Variants in SIRPB2 observed in about 807,000 individuals in gnomAD.
The protein encoded by SIRPB2 is signal regulatory protein beta 2, also known as signal-regulatory protein beta-2.
Under a neutral mutation model 27.1 loss-of-function variants are expected in SIRPB2, and 18 were observed. That is an observed-to-expected ratio of 0.66 (90% CI 0.46 to 0.98). The LOEUF (loss-of-function observed/expected upper bound fraction) is 0.98, where lower values mean the gene tolerates loss of function less well. Ranked by LOEUF, SIRPB2 falls within the 50% of genes least tolerant of loss-of-function variation. The pLI is 0.00. For synonymous variants in SIRPB2, 150 were observed against 164.6 expected, an observed-to-expected ratio of 0.91 and a Z score of 0.68; for missense variants, 420 against 417.4, an observed-to-expected ratio of 1.01 and a Z score of -0.06.
At chr20:1,486,032 T>C (rs1211980116) in intron 1 of SIRPB2, among the ~76,000 whole-genome samples, 1 of 151,794 alleles carries the variant, frequency 6.6e-6, no homozygotes, top group Admixed American at 6.6e-5. Flanking sequence ...TCCAAGAAAG[T>C]TTCATTTGTG....
downstream of SIRPB2, among the ~76,000 whole-genome samples, chr20:1,474,387 T>C (rs572772630): frequency 3.9e-5 from 6 of 152,338 alleles, no homozygotes; most frequent in African/African-American, 1.4e-4. Context: ...AAATTACTGT[T>C]GTCGCTGGCT....
intron 4 of SIRPB2, 147 bp from the exon 5 acceptor site, chr20:1,476,483 G>T: frequency 1.1e-6 from 1 of 945,342 alleles, no homozygotes; most frequent in Non-Finnish European, 1.5e-6. Context: ...GGAGATCAAA[G>T]ACCACCCTTC....
At chr20:1,485,644 A>G (rs2090718037) in intron 1 of SIRPB2, among the ~76,000 whole-genome samples, 1 of 140,708 alleles carries the variant, frequency 7.1e-6, no homozygotes, top group Admixed American at 7.0e-5. Context: ...ACACACACAC[A>G]CACACACACC....
At chr20:1,490,861 C>T (rs1274559651) in intron 1 of SIRPB2, among the ~76,000 whole-genome samples, 2 of 152,150 alleles carry the variant, frequency 1.3e-5, no homozygotes, top group African/African-American at 2.4e-5. Context: ...AACAAAAGAC[C>T]GCAGTTTTCA....
At position 1,476,195 on chromosome 20, in the gene SIRPB2, G is replaced by A; in HGVS notation, c.1001C>T (p.Thr334Ile). ...CTCTTGACCCTTGCTCCATGCTAAG[G>A]TGTTCATGGCTCCTGCTGGGCCTGT... ...KTTGPAGAMN[T>I]LAWSKGQE Residue 334 changes from threonine to isoleucine, a missense_variant, in exon 5 of 5, where the codon ACC becomes ATC. Physicochemically the swap from Thr to Ile is moderately conservative, Grantham distance 89 (BLOSUM62 -1). Coordinates refer to ENST00000359801, the MANE Select transcript of SIRPB2 (RefSeq NM_001122962.2). 6.2e-7 allele frequency: 1 copy of A among 1,614,058 alleles called. No homozygotes were observed. The highest frequency in any genetic ancestry group is 8.5e-7 in the Non-Finnish European group (1 of 1,179,992).
intron 4 of SIRPB2, chr20:1,476,587 C>T (rs2090608350): frequency 4.2e-6 from 2 of 474,328 alleles, no homozygotes; most frequent in South Asian, 9.0e-5. Context: ...TTCCTAATTG[C>T]CTAATGCAAT....
intron 1 of SIRPB2, chr20:1,480,515 G>A (rs6079288): frequency 0.16 from 26,467 of 168,886 alleles, 3,583 homozygotes; most frequent in East Asian, 0.74. Flanking sequence ...GGGTCTTTAA[G>A]GAGGTAATTC....
rs748316433 is a variant in SIRPB2 at position 1,479,885 on chromosome 20, C to T, written c.266G>A (p.Arg89His). The change falls in exon 2 of 5, where the codon CGT becomes CAT. Residue 89 changes from arginine (R) to histidine (H), a missense_variant. By Grantham distance (29) the Arg-to-His change is conservative (BLOSUM62 0). Transcript: ENST00000359801. ...GGGCATTACCCCAGGGAAGGAGCCACGTTTAAAGTTATAAATTTCCTGTTG... is the reference window on the plus strand; with the variant it reads ...GGGCATTACCCCAGGGAAGGAGCCATGTTTAAAGTTATAAATTTCCTGTTG... ...QDQQEIYNFK[R>H]GSFPGVMPMI... 4.5e-5 allele frequency: 73 copies of T among 1,614,112 alleles called. No individual in the cohort carries two copies. The Middle Eastern group carries it at 4.9e-4, about 11-fold the overall frequency.
At chr20:1,489,676 T>G (rs2090758989) in intron 1 of SIRPB2, among the ~76,000 whole-genome samples, 1 of 152,166 alleles carries the variant, frequency 6.6e-6, no homozygotes, top group Admixed American at 6.5e-5. Context: ...ATCTGCATCC[T>G]CTGCCTTTCA....
At chr20:1,478,199 C>T in intron 3 of SIRPB2, 67 bp downstream of exon 3, 1 of 1,449,168 alleles carries the variant, frequency 6.9e-7, no homozygotes. Context: ...TTGTTCGGGA[C>T]ATGTAGAAAA....
intron 1 of SIRPB2, 32 bp downstream of exon 1, chr20:1,491,243 G>T (rs548693225): frequency 1.9e-6 from 3 of 1,589,180 alleles, no homozygotes; most frequent in African/African-American, 1.4e-5. Context: ...CCAGCCGGGG[G>T]TGGACCCTGT....
intron 1 of SIRPB2, among the ~76,000 whole-genome samples, chr20:1,485,383 T>A (rs2123045201): frequency 6.6e-6 from 1 of 152,102 alleles, no homozygotes; most frequent in South Asian, 2.1e-4. Context: ...TATGTATCGA[T>A]TAAAAAAGAA....
intron 4 of SIRPB2, 174 bp downstream of exon 4, chr20:1,477,164 T>C (rs748473818): frequency 1.0e-5 from 16 of 1,579,454 alleles, no homozygotes; most frequent in Non-Finnish European, 1.4e-5. Context: ...AGCTGAGCTG[T>C]TATAACATGG....
In SIRPB2 at chr20:1,475,551, A is replaced by C. The variant is rs2090599304; in HGVS notation, c.*616T>G. ...GACCTGGTAGCAATGAGATCAGTGA[A>C]TCCTGGGTCTCAATACCAGGGAGTC... On this transcript the variant is annotated 3_prime_UTR_variant, in exon 5 of 5. Transcript: ENST00000359801. 1 of 152,248 alleles carries C rather than the reference A, an allele frequency of 6.6e-6. No homozygotes were observed. The highest frequency in any genetic ancestry group is 2.1e-4 in the South Asian group (1 of 4,834). The allele number at this position is 152,248 out of a possible 1,614,324, so 9.4% of individuals were successfully genotyped here. A position where few individuals can be genotyped will look rare whatever the true frequency, so the allele number is the denominator to read the frequency against.
In SIRPB2 at chr20:1,477,420, C is replaced by T. The variant is rs751839693; in HGVS notation, c.794-17G>A. The T allele has an allele frequency of 1.9e-5, 30 of 1,602,498 alleles. 1 individual carries two copies. The South Asian group carries it at 3.0e-4, about 16-fold the overall frequency. On this transcript the variant is annotated splice_polypyrimidine_tract_variant and intron_variant, in intron 3 of 4. Transcript: ENST00000359801. ...TAGATTTTGCTGCAAGGGAGAGAGG[C>T]TTTGTCATACTTCCCTTTATCTTTA...
chr20:1,476,920 C>T lies in SIRPB2; in HGVS notation c.859+418G>A, dbSNP rs547076197. ...TGAAGTAGGGTCTCTGATTCTTGTC[C>T]CCTCCCCGCTAGTTCATAGAGTCAG... is the stretch of plus-strand genomic sequence containing the variant. On this transcript the variant is annotated intron_variant, in intron 4 of 4. Transcript: ENST00000359801. The T allele has an allele frequency of 2.1e-5, 25 of 1,169,802 alleles. No homozygotes were observed. The South Asian group carries it at 3.1e-4, about 15-fold the overall frequency. The allele number at this position is 1,169,802 out of a possible 1,614,324, so 72.5% of individuals were successfully genotyped here.
intron 1 of SIRPB2, among the ~76,000 whole-genome samples, chr20:1,488,739 T>G (rs1221251220): frequency 6.6e-6 from 1 of 152,070 alleles, no homozygotes; most frequent in Non-Finnish European, 1.5e-5. Flanking sequence ...GGTGAGGAGG[T>G]GTAGGAACTG....
downstream of SIRPB2, among the ~76,000 whole-genome samples, chr20:1,472,350 C>T (rs1599996302): frequency 6.6e-6 from 1 of 152,148 alleles, no homozygotes; most frequent in South Asian, 2.1e-4. Context: ...GACTTGCCTC[C>T]ACCTTGCTCC....
chr20:1,486,442 G>A (rs1311452925), intron 1 of SIRPB2, among the ~76,000 whole-genome samples: 1 of 151,966 alleles, frequency 6.6e-6, no homozygotes, highest in Admixed American at 6.6e-5. Context: ...ATTGAAAAAA[G>A]GAGCATACTT....
Sources: gnomAD v4.1 joint callset for allele counts (sites outside exome capture counted in the v4.1 genomes callset) on GRCh38, gnomAD v4.1.1 for gene constraint, MANE v1.5 for transcripts, NCBI Gene and HGNC (gene_info 2026-07-23, HGNC 2026-07-21) for gene names.